The following CMIP variants were observed in gnomAD, a reference collection of about 807,000 sequenced individuals.
CMIP encodes c-Maf inducing protein.
A neutral mutation model predicts 97.3 loss-of-function variants in CMIP; 13 were observed. That is an observed-to-expected ratio of 0.13 (90% CI 0.09 to 0.21). CMIP has a LOEUF of 0.21. Ranked by LOEUF, CMIP falls within the 10% of genes least tolerant of loss-of-function variation. CMIP has a pLI of 1.00. For missense variants in CMIP, 847 were observed against 1,024.9 expected, an observed-to-expected ratio of 0.83 and a Z score of 2.37; for synonymous variants, 538 against 436.3, an observed-to-expected ratio of 1.23 and a Z score of -2.91.
rs1031702327 is a variant in CMIP, at chr16:81,710,685, C to T, written c.*886C>T. Reference sequence around the variant, plus strand: ...GATTTCCAAATGTCTCCAACTCCCTCACGAGGTGGGGCTCAGGCTGGAGGA... The same window carrying T: ...GATTTCCAAATGTCTCCAACTCCCTTACGAGGTGGGGCTCAGGCTGGAGGA... On this transcript the variant is annotated 3_prime_UTR_variant, in exon 21 of 21. Transcript: ENST00000537098. 2 of 152,194 alleles carry T rather than the reference C, an allele frequency of 1.3e-5. No homozygotes were observed. Among genetic ancestry groups the T allele is most frequent in the African/African-American group, 2.4e-5 (1 of 41,426 alleles). The allele number at this position is 152,194 out of a possible 1,614,324, so 9.4% of individuals were successfully genotyped here.
In CMIP at chr16:81,711,175, T is replaced by TG. The variant is rs1219756707; in HGVS notation, c.*1380dup. 1 of 152,528 alleles carries TG rather than the reference T, an allele frequency of 6.6e-6. No homozygotes were observed. The highest frequency in any genetic ancestry group is 1.5e-5 in the Non-Finnish European group (1 of 68,052). 9.4% of individuals were successfully genotyped at this position (152,528 alleles called of 1,614,324 possible). ...CAGAACAGCCCGTTGATGGTTTATT[T>TG]GGGGTCCCCCTCTCCCCCCAGCCCT... On this transcript the variant is annotated 3_prime_UTR_variant, in exon 21 of 21. Transcript: ENST00000537098.
intron 14 of CMIP, 116 bp from the exon 15 acceptor site, chr16:81,699,569 T>G (rs1302217759): frequency 1.5e-6 from 1 of 654,864 alleles, no homozygotes; most frequent in African/African-American, 1.8e-5. Flanking sequence ...CACCTGGCTG[T>G]CTGGACAGCG....
At chr16:81,457,783 G>A (rs912457170) in intron 1 of CMIP, among the ~76,000 whole-genome samples, 3 of 152,220 alleles carry the variant, frequency 2.0e-5, no homozygotes, top group Non-Finnish European at 4.4e-5. Context: ...TGGCCCACAG[G>A]AGGTCTGAAA....
At chr16:81,571,587 C>CAA (rs397854647) in intron 1 of CMIP, among the ~76,000 whole-genome samples, 3,896 of 87,378 alleles carry the variant, frequency 0.045, 190 homozygotes, top group African/African-American at 0.16. Flanking sequence ...TCATCTCTAC[C>CAA]AAAAAAAAAA....
chr16:81,459,004 C>A (rs1006633526), intron 1 of CMIP, among the ~76,000 whole-genome samples: 6 of 145,610 alleles, frequency 4.1e-5, no homozygotes, highest in African/African-American at 1.7e-4. Flanking sequence ...CTGTCACCAT[C>A]ACCGTCACCG....
At position 81,652,451 on chromosome 16, in the gene CMIP, G is replaced by T; in HGVS notation, c.639+87G>T. 8.3e-7 allele frequency: 1 copy of T among 1,210,928 alleles called. No homozygotes were observed. The highest frequency in any genetic ancestry group is 1.4e-5 in the South Asian group (1 of 71,188). The allele number at this position is 1,210,928 out of a possible 1,614,324, so 75.0% of individuals were successfully genotyped here. ...CCATGCCAAGCAGCAGGCGCAGGCA[G>T]AGCTCCGTGTGGGCTGTGTTGTTGC... On this transcript the variant is annotated intron_variant, in intron 4 of 20. Transcript: ENST00000537098. This position sits in a 1 kb window ranked among gnomAD's most constrained non-coding sequence, Gnocchi z 5.2.
At chr16:81,568,041 T>TGTGTG (rs1555531353) in intron 1 of CMIP, among the ~76,000 whole-genome samples, 97 of 29,848 alleles carry the variant, frequency 3.2e-3, no homozygotes, top group South Asian at 0.013. Flanking sequence ...GTGTGTGTGT[T>TGTGTG]TTTTTTTTTT....
intron 3 of CMIP, among the ~76,000 whole-genome samples, chr16:81,625,626 C>G (rs148991917): frequency 6.6e-6 from 1 of 152,328 alleles, no homozygotes; most frequent in East Asian, 1.9e-4. Context: ...TCCAGGGTTT[C>G]AAGGTGAGAG....
chr16:81,674,277 C>A (rs910390164), intron 9 of CMIP, among the ~76,000 whole-genome samples: 1 of 152,174 alleles, frequency 6.6e-6, no homozygotes, highest in African/African-American at 2.4e-5. Context: ...AAACGGAAGC[C>A]AGAGGGTAGT....
intron 1 of CMIP, among the ~76,000 whole-genome samples, chr16:81,515,856 G>A (rs953805667): frequency 3.3e-5 from 5 of 152,152 alleles, no homozygotes; most frequent in Non-Finnish European, 5.9e-5. Context: ...GAAGGCAAGA[G>A]GAATGGAGAA....
At chr16:81,478,741 T>C (rs866686474) in intron 1 of CMIP, among the ~76,000 whole-genome samples, 1 of 152,134 alleles carries the variant, frequency 6.6e-6, no homozygotes, top group South Asian at 2.1e-4. Flanking sequence ...CTTGTTCCTA[T>C]AGGTGTGGAC....
intron 1 of CMIP, among the ~76,000 whole-genome samples, chr16:81,517,601 G>C (rs2089941611): frequency 1.3e-5 from 2 of 152,182 alleles, no homozygotes; most frequent in South Asian, 4.1e-4. Flanking sequence ...TATTCAAATT[G>C]TAATGACAGC....
Position 81,453,272 on chromosome 16 carries a change from C to G in CMIP, c.300+7731C>G, listed in dbSNP as rs536608779. Among the ~76,000 whole-genome samples the G allele has an allele frequency of 6.6e-6, 1 of 152,262 alleles. No homozygotes were observed. Among genetic ancestry groups the G allele is most frequent in the East Asian group, 1.9e-4 (1 of 5,186 alleles). Reference sequence around the variant, plus strand: ...GACTAAACTGATTGTGCTGGGCGAACTCTTTTTGGAGGGAAGCACGTGGTC... The same window carrying G: ...GACTAAACTGATTGTGCTGGGCGAAGTCTTTTTGGAGGGAAGCACGTGGTC... On this transcript the variant is annotated intron_variant, in intron 1 of 20. Coordinates refer to ENST00000537098, the MANE Select transcript of CMIP (RefSeq NM_198390.3). This position sits in a 1 kb window ranked among gnomAD's most constrained non-coding sequence, Gnocchi z 4.0.
intron 9 of CMIP, among the ~76,000 whole-genome samples, chr16:81,673,536 A>ATAAG (rs1443710055): frequency 1.1e-4 from 15 of 135,244 alleles, no homozygotes; most frequent in African/African-American, 4.0e-4. Flanking sequence ...AAATAAATAA[A>ATAAG]TAAGAAAGCA....
intron 1 of CMIP, among the ~76,000 whole-genome samples, chr16:81,547,922 T>G (rs2090578716): frequency 6.6e-6 from 1 of 152,158 alleles, no homozygotes; most frequent in Non-Finnish European, 1.5e-5. Flanking sequence ...TCAGCTCTGC[T>G]CTTCCTGTCA....
At position 81,621,978 on chromosome 16, in the gene CMIP, T is replaced by TC. The variant is rs2091998771; in HGVS notation, c.477+1054dup. The stretch of plus-strand genomic sequence containing the variant: ...CAAGTCTCAGAAGCTGAGCTGAGTC[T>TC]CCACGTTGGGTTGCAAAGGGGAAGA... On this transcript the variant is annotated intron_variant, in intron 3 of 20. Coordinates refer to ENST00000537098, the MANE Select transcript of CMIP (RefSeq NM_198390.3). The surrounding 1 kb of genome is among the most constrained non-coding windows in gnomAD (Gnocchi z 4.1). 2 of 152,270 alleles carry TC rather than the reference T, an allele frequency of 1.3e-5. No individual in the cohort carries two copies. The highest frequency in any genetic ancestry group is 4.8e-5 in the African/African-American group (2 of 41,468). The allele number at this position is 152,270 out of a possible 1,614,324, so 9.4% of individuals were successfully genotyped here.
chr16:81,562,442 A>T (rs1257410747), intron 1 of CMIP, among the ~76,000 whole-genome samples: 1 of 152,224 alleles, frequency 6.6e-6, no homozygotes, highest in Non-Finnish European at 1.5e-5. Context: ...TTCTGCCCTC[A>T]AGCAAATCCA....
chr16:81,499,570 C>T (rs1315347183), intron 1 of CMIP, among the ~76,000 whole-genome samples: 1 of 152,246 alleles, frequency 6.6e-6, no homozygotes, highest in Admixed American at 6.5e-5. Flanking sequence ...GCTTCCTTGT[C>T]ATCCATCTTC....
chr16:81,551,149 A>G (rs183613176), intron 1 of CMIP, among the ~76,000 whole-genome samples: 9 of 140,604 alleles, frequency 6.4e-5, no homozygotes, highest in African/African-American at 2.2e-4. Context: ...TCCATCACAC[A>G]CACCCCAGTT....
Sources: gnomAD v4.1 joint callset for allele counts (sites outside exome capture counted in the v4.1 genomes callset) on GRCh38, gnomAD v4.1.1 for gene constraint, Gnocchi (gnomAD v3.1) non-coding constraint, MANE v1.5 for transcripts, NCBI Gene and HGNC (gene_info 2026-07-23, HGNC 2026-07-21) for gene names.